Variants in GREM2 observed in about 807,000 individuals in gnomAD.
The protein encoded by GREM2 is gremlin 2, DAN family BMP antagonist, also known as gremlin-2.
A neutral mutation model predicts 14.2 loss-of-function variants in GREM2; 11 were observed. That is an observed-to-expected ratio of 0.78 (90% CI 0.49 to 1.28). The LOEUF (loss-of-function observed/expected upper bound fraction) is 1.28. Among genes scored for constraint, GREM2 ranks in the 50% most tolerant of loss-of-function variants. The probability of loss-of-function intolerance (pLI) is 0.00; values close to 1 mark genes in which losing one functional copy is unlikely to be tolerated. For synonymous variants in GREM2, 98 were observed against 97.6 expected (o/e 1.00, Z -0.02); for missense variants, 210 against 218.5 (o/e 0.96, Z 0.24).
intron 1 of GREM2, among the ~76,000 whole-genome samples, chr1:240,531,149 G>T (rs1678349886): frequency 6.6e-6 from 1 of 152,130 alleles, no homozygotes; most frequent in South Asian, 2.1e-4. Flanking sequence ...GACTCATATA[G>T]AAGATCCCAC....
chr1:240,561,688 C>G (rs1297281465), intron 1 of GREM2, among the ~76,000 whole-genome samples: 1 of 118,322 alleles, frequency 8.5e-6, no homozygotes, highest in East Asian at 2.8e-4. Flanking sequence ...CAAAATAATC[C>G]TGCATACACA....
chr1:240,567,384 C>T (rs1484425783), intron 1 of GREM2, among the ~76,000 whole-genome samples: 3 of 151,800 alleles, frequency 2.0e-5, no homozygotes, highest in African/African-American at 7.3e-5. Context: ...CATCAAGGAA[C>T]ACCATAATTG....
chr1:240,611,023 A>T (rs1237382379), intron 1 of GREM2, among the ~76,000 whole-genome samples: 2 of 152,052 alleles, frequency 1.3e-5, no homozygotes, highest in African/African-American at 4.8e-5. Context: ...CAAATCAAAC[A>T]TGATAAAATC....
At chr1:240,560,820 C>T (rs1380508870) in intron 1 of GREM2, among the ~76,000 whole-genome samples, 1 of 152,148 alleles carries the variant, frequency 6.6e-6, no homozygotes, top group Admixed American at 6.5e-5. Flanking sequence ...CCTCCCTGAT[C>T]CCAAATTAAT....
intron 1 of GREM2, among the ~76,000 whole-genome samples, chr1:240,588,279 T>A (rs1323202595): frequency 2.6e-5 from 4 of 152,342 alleles, no homozygotes; most frequent in Admixed American, 2.6e-4. Flanking sequence ...TTCGCTTCCC[T>A]GGTCATTTCT....
At chr1:240,569,770 C>T (rs540799108) in intron 1 of GREM2, among the ~76,000 whole-genome samples, 6 of 152,206 alleles carry the variant, frequency 3.9e-5, no homozygotes, top group South Asian at 2.1e-4. Context: ...GAAAGGTTTG[C>T]GACCCTGTGT....
At chr1:240,592,765 C>T (rs912741067) in intron 1 of GREM2, among the ~76,000 whole-genome samples, 5 of 152,148 alleles carry the variant, frequency 3.3e-5, no homozygotes, top group African/African-American at 4.8e-5. Context: ...GCTCCCCTGC[C>T]GCATGCACTG....
intron 1 of GREM2, among the ~76,000 whole-genome samples, chr1:240,541,777 C>T (rs1007637539): frequency 2.0e-5 from 3 of 151,954 alleles, no homozygotes; most frequent in Non-Finnish European, 2.9e-5. Flanking sequence ...TCCAGCAAGA[C>T]AAGCAAGTGG....
chr1:240,498,384 A>G (rs1677481647), intron 1 of GREM2, among the ~76,000 whole-genome samples: 1 of 152,104 alleles, frequency 6.6e-6, no homozygotes, highest in African/African-American at 2.4e-5. Context: ...ACATAGCAAT[A>G]GTAAGATGGC....
chr1:240,587,566 C>T (rs1679622465), intron 1 of GREM2, among the ~76,000 whole-genome samples: 1 of 152,148 alleles, frequency 6.6e-6, no homozygotes, highest in Non-Finnish European at 1.5e-5. Flanking sequence ...AAGTGATCCA[C>T]CTGCCTCAGC....
intron 1 of GREM2, among the ~76,000 whole-genome samples, chr1:240,527,373 T>A (rs528737842): frequency 1.4e-4 from 22 of 152,336 alleles, no homozygotes; most frequent in African/African-American, 4.8e-4. Context: ...CAATTTTCTA[T>A]CATTAAAGTA....
chr1:240,547,514 A>AATATATATAT (rs71170756), intron 1 of GREM2, among the ~76,000 whole-genome samples: 6 of 102,678 alleles, frequency 5.8e-5, no homozygotes, highest in African/African-American at 2.7e-4. Flanking sequence ...AAAAAAAAAA[A>AATATATATAT]ATATATATAT....
At chr1:240,527,155 T>G (rs2103310058) in intron 1 of GREM2, among the ~76,000 whole-genome samples, 1 of 152,340 alleles carries the variant, frequency 6.6e-6, no homozygotes, top group South Asian at 2.1e-4. Context: ...AATCCTTTTC[T>G]AGATCTGGTG....
chr1:240,493,027 T>C lies in GREM2; in HGVS notation c.449A>G (p.Gln150Arg). 1 of 1,597,800 alleles carries C rather than the reference T, an allele frequency of 6.3e-7. No individual in the cohort carries two copies. Among genetic ancestry groups the C allele is most frequent in the Non-Finnish European group, 8.6e-7 (1 of 1,168,564 alleles). Residue 150 changes from glutamine (Q) to arginine (R), a missense_variant, in exon 2 of 2, where the codon CAG (glutamine) becomes CGG (arginine). Physicochemically the swap from Gln to Arg is conservative, Grantham distance 43 (BLOSUM62 1). Transcript: ENST00000318160. ...CATGCACCGGCACTGCTTCACCTTC[T>C]GGATTTTCTTGAGTCGGAAGGGTGG... ...LDPPFRLKKI[Q>R]KVKQCRCMSV...
intron 1 of GREM2, among the ~76,000 whole-genome samples, chr1:240,585,062 A>G (rs1679567399): frequency 6.6e-6 from 1 of 152,190 alleles, no homozygotes; most frequent in Non-Finnish European, 1.5e-5. Flanking sequence ...TCCTGTTGCA[A>G]GACCTTTACC....
At chr1:240,599,900 C>A (rs1443929289) in intron 1 of GREM2, among the ~76,000 whole-genome samples, 1 of 152,144 alleles carries the variant, frequency 6.6e-6, no homozygotes, top group African/African-American at 2.4e-5. Flanking sequence ...GGAAAATAAT[C>A]CAAATGAAAC....
chr1:240,560,674 T>G (rs952164657), intron 1 of GREM2, among the ~76,000 whole-genome samples: 2 of 152,156 alleles, frequency 1.3e-5, no homozygotes, highest in Non-Finnish European at 2.9e-5. Context: ...ACTATTTTCT[T>G]CTAACCCTCT....
At chr1:240,551,103 C>T (rs989621781) in intron 1 of GREM2, among the ~76,000 whole-genome samples, 1 of 152,172 alleles carries the variant, frequency 6.6e-6, no homozygotes, top group South Asian at 2.1e-4. Flanking sequence ...GCTGGTTTCT[C>T]ATCTTCCCCA....
chr1:240,498,565 CA>C (rs1010528397), intron 1 of GREM2, among the ~76,000 whole-genome samples: 2 of 152,130 alleles, frequency 1.3e-5, no homozygotes, highest in Non-Finnish European at 1.5e-5. Flanking sequence ...CAGAGTTCAC[CA>C]GGGGAGAGAA....
Sources: gnomAD v4.1 joint callset for allele counts (sites outside exome capture counted in the v4.1 genomes callset) on GRCh38, gnomAD v4.1.1 for gene constraint, MANE v1.5 for transcripts, NCBI Gene and HGNC (gene_info 2026-07-23, HGNC 2026-07-21) for gene names.